Variants in MGAT4C observed in about 807,000 individuals in gnomAD.
MGAT4C encodes the protein MGAT4 family member C.
Under a neutral mutation model 40.1 loss-of-function variants are expected in MGAT4C, and 19 were observed. The ratio of observed to expected loss-of-function variants is 0.47; its 90% CI spans 0.33 to 0.70. The LOEUF (loss-of-function observed/expected upper bound fraction) is 0.70, where lower values mean the gene tolerates loss of function less well. MGAT4C is among the 30% of genes least tolerant of loss of function. The pLI is 0.02. For synonymous variants in MGAT4C, 181 were observed against 187.1 expected, an observed-to-expected ratio of 0.97 and a Z score of 0.27; for missense variants, 491 against 563.2, an observed-to-expected ratio of 0.87 and a Z score of 1.30.
chr12:86,408,479 C>CTCTCTCTCTCTCTCTCTA (rs1267344319), intron 3 of MGAT4C, among the ~76,000 whole-genome samples: 3 of 63,368 alleles, frequency 4.7e-5, no homozygotes, highest in African/African-American at 1.6e-4. Flanking sequence ...CTCTCTCTCT[C>CTCTCTCTCTCTCTCTCTA]TATATATATA....
At chr12:86,563,895 T>C (rs1248260370) in intron 2 of MGAT4C, among the ~76,000 whole-genome samples, 1 of 152,154 alleles carries the variant, frequency 6.6e-6, no homozygotes, top group Non-Finnish European at 1.5e-5. Flanking sequence ...GAATGCATAA[T>C]TGGCACTGAC....
chr12:86,304,699 G>A (rs1953892861), intron 4 of MGAT4C, among the ~76,000 whole-genome samples: 1 of 150,722 alleles, frequency 6.6e-6, no homozygotes, highest in Non-Finnish European at 1.5e-5. Flanking sequence ...ATTTTAATAA[G>A]GTTAAGATGA....
intron 2 of MGAT4C, among the ~76,000 whole-genome samples, chr12:85,993,754 GGGA>G (rs1205354550): frequency 6.6e-6 from 1 of 152,162 alleles, no homozygotes; most frequent in Non-Finnish European, 1.5e-5. Context: ...GAAAAGAGAG[GGGA>G]GATACAGGAA....
intron 2 of MGAT4C, among the ~76,000 whole-genome samples, chr12:86,666,003 A>AT (rs1360449944): frequency 6.6e-6 from 1 of 152,152 alleles, no homozygotes; most frequent in Non-Finnish European, 1.5e-5. Flanking sequence ...AAATAACTAC[A>AT]TTTTTTAAAG....
chr12:86,299,150 C>G (rs1308039141), intron 4 of MGAT4C, among the ~76,000 whole-genome samples: 1 of 152,144 alleles, frequency 6.6e-6, no homozygotes. Context: ...GAATCTCGCT[C>G]TGTCGCCCAG....
At chr12:86,111,578 C>T (rs1303229429) in intron 1 of MGAT4C, among the ~76,000 whole-genome samples, 2 of 151,746 alleles carry the variant, frequency 1.3e-5, no homozygotes, top group Non-Finnish European at 3.0e-5. Context: ...CTAAAGATTA[C>T]TTTTCCTGCA....
intron 3 of MGAT4C, among the ~76,000 whole-genome samples, chr12:86,385,371 C>A (rs1190186104): frequency 6.6e-6 from 1 of 152,052 alleles, no homozygotes; most frequent in Non-Finnish European, 1.5e-5. Context: ...TTCAAATCTA[C>A]GTATATACTC....
chr12:85,992,824 CAAT>C (rs1886110966), intron 2 of MGAT4C, among the ~76,000 whole-genome samples: 1 of 152,194 alleles, frequency 6.6e-6, no homozygotes, highest in Non-Finnish European at 1.5e-5. Context: ...CCTTGCAGGG[CAAT>C]TCGGACCTTT....
intron 3 of MGAT4C, among the ~76,000 whole-genome samples, chr12:86,361,929 A>G (rs2136202542): frequency 6.6e-6 from 1 of 152,316 alleles, no homozygotes; most frequent in African/African-American, 2.4e-5. Context: ...ACAGTGTGGC[A>G]ATTCCTCAAG....
chr12:86,455,424 G>T (rs1434162723), intron 2 of MGAT4C, among the ~76,000 whole-genome samples: 1 of 152,052 alleles, frequency 6.6e-6, no homozygotes, highest in Non-Finnish European at 1.5e-5. Flanking sequence ...GTTAAAACAG[G>T]AAGTTTTAAT....
chr12:86,306,177 A>G (rs1953930885), intron 4 of MGAT4C, among the ~76,000 whole-genome samples: 1 of 150,224 alleles, frequency 6.7e-6, no homozygotes, highest in Non-Finnish European at 1.5e-5. Context: ...CTCAAGATTC[A>G]CCTCTTATGA....
intron 2 of MGAT4C, among the ~76,000 whole-genome samples, chr12:86,581,667 T>C (rs1256660898): frequency 2.0e-5 from 3 of 151,452 alleles, no homozygotes; most frequent in Admixed American, 6.6e-5. Context: ...CTCTTTCTAA[T>C]TGGTTGCTTC....
intron 2 of MGAT4C, among the ~76,000 whole-genome samples, chr12:86,708,099 A>G (rs970555494): frequency 1.3e-5 from 2 of 152,228 alleles, no homozygotes; most frequent in Admixed American, 6.5e-5. Flanking sequence ...AGCCGCTTCC[A>G]TCACAGGCCC....
intron 1 of MGAT4C, among the ~76,000 whole-genome samples, chr12:86,800,285 TGA>T (rs979464332): frequency 6.6e-6 from 1 of 151,916 alleles, no homozygotes; most frequent in African/African-American, 2.4e-5. Flanking sequence ...CAGGTTCCAC[TGA>T]GTGATTCTGG....
At chr12:86,149,746 C>T (rs1395771480) in intron 1 of MGAT4C, among the ~76,000 whole-genome samples, 1 of 152,146 alleles carries the variant, frequency 6.6e-6, no homozygotes, top group African/African-American at 2.4e-5. Context: ...TCATCCAAAA[C>T]ATGACTTACA....
intron 1 of MGAT4C, among the ~76,000 whole-genome samples, chr12:86,071,119 C>A (rs1198089700): frequency 6.6e-6 from 1 of 152,002 alleles, no homozygotes. Flanking sequence ...AAGAGTAGGA[C>A]ACTGCACTCA....
At chr12:86,259,887 GAA>G (rs1952621670), upstream of MGAT4C, among the ~76,000 whole-genome samples, 1 of 3,600 alleles carries the variant, frequency 2.8e-4, no homozygotes, top group Non-Finnish European at 4.5e-4. Flanking sequence ...CACTAGATAT[GAA>G]AAGTCTTATT....
In MGAT4C at chr12:86,450,254, A is replaced by C. The variant is rs571822368; in HGVS notation, c.-228-14989T>G. ...ACTCATTGGTTTTAATCTGTATTTC[A>C]CCGATGATGAATGAGGTTGAGCACC... On this transcript the variant is annotated intron_variant, in intron 2 of 7. Coordinates refer to the MGAT4C transcript ENST00000548651. Among the ~76,000 whole-genome samples the C allele has an allele frequency of 2.3e-4, 35 of 152,102 alleles. 1 individual carries two copies. The South Asian group carries it at 6.2e-3, about 27-fold the overall frequency.
At chr12:86,684,454 C>T (rs923054006) in intron 2 of MGAT4C, among the ~76,000 whole-genome samples, 4 of 152,172 alleles carry the variant, frequency 2.6e-5, no homozygotes, top group African/African-American at 9.7e-5. Context: ...GGGTTGGTTT[C>T]AAGTCTTTGC....
Sources: gnomAD v4.1 joint callset for allele counts (sites outside exome capture counted in the v4.1 genomes callset) on GRCh38, gnomAD v4.1.1 for gene constraint, MANE v1.5 for transcripts, NCBI Gene and HGNC (gene_info 2026-07-23, HGNC 2026-07-21) for gene names.